The following SOX5 variants were observed in gnomAD, a reference collection of about 807,000 sequenced individuals.
The protein encoded by SOX5 is transcription factor SOX-5.
In SOX5, 9 loss-of-function variants were observed where a neutral mutation model predicts 92.0. That is an observed-to-expected ratio of 0.10 (90% CI 0.06 to 0.17). The LOEUF (loss-of-function observed/expected upper bound fraction) is 0.17. SOX5 is among the 10% of genes least tolerant of loss of function. The probability of loss-of-function intolerance (pLI) is 1.00; values close to 1 mark genes in which losing one functional copy is unlikely to be tolerated. For missense variants in SOX5, 642 were observed against 944.5 expected, an observed-to-expected ratio of 0.68 and a Z score of 4.20; for synonymous variants, 344 against 336.3, an observed-to-expected ratio of 1.02 and a Z score of -0.25.
chr12:23,978,834 T>C (rs1353312164), intron 4 of SOX5, among the ~76,000 whole-genome samples: 9 of 152,206 alleles, frequency 5.9e-5, no homozygotes, highest in Non-Finnish European at 1.2e-4. Context: ...CTCTATTAAA[T>C]GATTCATCAC....
In SOX5 at chr12:24,392,168, C is replaced by T. The variant is rs73281478; in HGVS notation, c.-250-23529G>A. Among the ~76,000 whole-genome samples the T allele has an allele frequency of 5.2e-3, 799 of 152,278 alleles. 9 individuals are homozygous for T. The highest frequency in any genetic ancestry group is 0.018 in the African/African-American group (764 of 41,550). On this transcript the variant is annotated intron_variant, in intron 1 of 4. Coordinates refer to the SOX5 transcript ENST00000446891. ...TCCACTGCTGTCACTCTAGTGCAAG[C>T]TTAAAGTCCCTCTCACTGCGCTATT... is the stretch of plus-strand genomic sequence containing the variant.
intron 2 of SOX5, among the ~76,000 whole-genome samples, chr12:24,348,562 T>C (rs1227421664): frequency 6.6e-6 from 1 of 152,026 alleles, no homozygotes; most frequent in Non-Finnish European, 1.5e-5. Context: ...TTTGTACTTT[T>C]AGTAGAGGCG....
chr12:24,022,079 C>CT (rs1954357936), intron 4 of SOX5, among the ~76,000 whole-genome samples: 1 of 152,190 alleles, frequency 6.6e-6, no homozygotes, highest in Non-Finnish European at 1.5e-5. Context: ...TAGCAGACAA[C>CT]ATTCTTGCTG....
intron 6 of SOX5, among the ~76,000 whole-genome samples, chr12:23,685,450 A>G (rs1305938598): frequency 1.3e-5 from 2 of 152,082 alleles, no homozygotes; most frequent in Admixed American, 6.6e-5. Flanking sequence ...GAATTCTGGC[A>G]ACTTAAAATT....
chr12:24,412,024 T>C (rs76016518), intron 1 of SOX5, among the ~76,000 whole-genome samples: 4,616 of 152,250 alleles, frequency 0.03, 102 homozygotes, highest in Admixed American at 0.043. Flanking sequence ...TTTTTGAGGA[T>C]TGGATCCATC....
chr12:24,339,523 G>A (rs769192177), intron 2 of SOX5, among the ~76,000 whole-genome samples: 3 of 152,188 alleles, frequency 2.0e-5, no homozygotes, highest in Non-Finnish European at 4.4e-5. Context: ...TTAGAGATTG[G>A]GGGACTTATT....
chr12:23,883,369 G>C (rs1595356876), intron 2 of SOX5, among the ~76,000 whole-genome samples: 1 of 152,008 alleles, frequency 6.6e-6, no homozygotes, highest in East Asian at 1.9e-4. Flanking sequence ...ATTCATTTAG[G>C]TTATTAAAAG....
intron 1 of SOX5, among the ~76,000 whole-genome samples, chr12:24,425,298 TG>T (rs1966593894): frequency 6.6e-6 from 1 of 152,206 alleles, no homozygotes; most frequent in African/African-American, 2.4e-5. Context: ...AAGGACCCTA[TG>T]CTTCTTACTC....
At chr12:24,436,735 C>T (rs1939503334) in intron 1 of SOX5, among the ~76,000 whole-genome samples, 2 of 152,160 alleles carry the variant, frequency 1.3e-5, no homozygotes, top group South Asian at 4.1e-4. Flanking sequence ...GAAGAAGATG[C>T]CATCTAGGAC....
intron 3 of SOX5, among the ~76,000 whole-genome samples, chr12:23,775,989 G>A (rs1037808590): frequency 2.0e-5 from 3 of 152,118 alleles, no homozygotes; most frequent in Non-Finnish European, 4.4e-5. Context: ...GTTTCGAGAC[G>A]AAACTGCTTT....
intron 4 of SOX5, among the ~76,000 whole-genome samples, chr12:24,030,842 T>C (rs558342080): frequency 9.2e-5 from 14 of 151,910 alleles, no homozygotes; most frequent in Admixed American, 5.9e-4. Context: ...AAATAGCTCA[T>C]AGCAACAAGA....
chr12:24,118,055 C>T (rs923867753), intron 4 of SOX5, among the ~76,000 whole-genome samples: 7 of 147,080 alleles, frequency 4.8e-5, no homozygotes, highest in Admixed American at 3.4e-4. Flanking sequence ...AAAAATCTGT[C>T]TCACAGAAAC....
chr12:24,423,443 G>A (rs181992088), intron 1 of SOX5, among the ~76,000 whole-genome samples: 46 of 152,208 alleles, frequency 3.0e-4, no homozygotes, highest in Non-Finnish European at 4.1e-4. Flanking sequence ...ACTATAAAAC[G>A]TCCATTGTGA....
At chr12:23,998,189 G>A (rs1412720761) in intron 4 of SOX5, among the ~76,000 whole-genome samples, 1 of 151,942 alleles carries the variant, frequency 6.6e-6, no homozygotes, top group Non-Finnish European at 1.5e-5. Flanking sequence ...CATGTTTTAA[G>A]AATGACAGAA....
intron 3 of SOX5, among the ~76,000 whole-genome samples, chr12:23,756,081 A>C (rs926336305): frequency 1.3e-5 from 2 of 151,820 alleles, no homozygotes; most frequent in Non-Finnish European, 2.9e-5. Context: ...TGTTGATAAA[A>C]TGCGGAGTAA....
At chr12:23,763,182 A>T (rs964268831) in intron 3 of SOX5, among the ~76,000 whole-genome samples, 2 of 152,196 alleles carry the variant, frequency 1.3e-5, no homozygotes, top group African/African-American at 4.8e-5. Flanking sequence ...CTATGCTTCC[A>T]TTCACTTACC....
At position 24,392,307 on chromosome 12, in the gene SOX5, C is replaced by T. The variant is rs145460285; in HGVS notation, c.-250-23668G>A. The stretch of plus-strand genomic sequence containing the variant: ...ATGTTCATCTGACCAAGTCACTCTC[C>T]GACTTACAATGGGCTTCCCATCACA... On this transcript the variant is annotated intron_variant, in intron 1 of 4. Transcript: ENST00000446891. Among the ~76,000 whole-genome samples, 32 of 152,266 alleles carry T rather than the reference C, an allele frequency of 2.1e-4. No homozygotes were observed. In the East Asian group the frequency reaches 2.7e-3, roughly 13 times the overall value.
intron 4 of SOX5, among the ~76,000 whole-genome samples, chr12:23,990,716 A>T (rs1230075756): frequency 6.6e-6 from 1 of 152,062 alleles, no homozygotes; most frequent in Non-Finnish European, 1.5e-5. Context: ...CTAAGTCTCT[A>T]AGCTTCTTGA....
At chr12:24,244,805 G>T (rs1003623974) in intron 3 of SOX5, among the ~76,000 whole-genome samples, 2 of 152,174 alleles carry the variant, frequency 1.3e-5, no homozygotes, top group African/African-American at 4.8e-5. Context: ...CAATTCTCCT[G>T]CCTCAGCCTC....
Sources: gnomAD v4.1 joint callset for allele counts (sites outside exome capture counted in the v4.1 genomes callset) on GRCh38, gnomAD v4.1.1 for gene constraint, MANE v1.5 for transcripts, NCBI Gene and HGNC (gene_info 2026-07-23, HGNC 2026-07-21) for gene names.